CTNNA2: variants seen among roughly 807,000 people sequenced by gnomAD.
CTNNA2 encodes the protein catenin alpha-2.
Under a neutral mutation model 101.0 loss-of-function variants are expected in CTNNA2, and 42 were observed. The ratio of observed to expected loss-of-function variants is 0.42; its 90% CI spans 0.32 to 0.54. CTNNA2 has a LOEUF of 0.54. CTNNA2 is among the 20% of genes least tolerant of loss of function. The probability of loss-of-function intolerance (pLI) is 0.14; values close to 1 mark genes in which losing one functional copy is unlikely to be tolerated. For synonymous variants in CTNNA2, 450 were observed against 456.4 expected, an observed-to-expected ratio of 0.99 and a Z score of 0.18; for missense variants, 871 against 1,223.1, an observed-to-expected ratio of 0.71 and a Z score of 4.29.
chr2:80,634,038 G>A (rs983888829), intron 18 of CTNNA2, among the ~76,000 whole-genome samples: 2 of 152,130 alleles, frequency 1.3e-5, no homozygotes, highest in Non-Finnish European at 2.9e-5. Context: ...ACTAGGCATT[G>A]TGCCCTAGCT....
chr2:79,772,239 C>T (rs1673641020), intron 3 of CTNNA2, among the ~76,000 whole-genome samples: 1 of 152,078 alleles, frequency 6.6e-6, no homozygotes, highest in South Asian at 2.1e-4. Flanking sequence ...GGACATTAAT[C>T]AGTTTGATAT....
intron 15 of CTNNA2, 77 bp downstream of exon 15, chr2:80,589,562 G>T: frequency 7.2e-7 from 1 of 1,395,476 alleles, no homozygotes; most frequent in Admixed American, 2.4e-5. Flanking sequence ...GCATGTGAAA[G>T]CCTGCTGAAA....
At chr2:80,565,033 A>C (rs900850661) in intron 12 of CTNNA2, among the ~76,000 whole-genome samples, 2 of 152,230 alleles carry the variant, frequency 1.3e-5, no homozygotes, top group African/African-American at 4.8e-5. Context: ...CAATCAAGTG[A>C]TGTAAATTAA....
intron 7 of CTNNA2, among the ~76,000 whole-genome samples, chr2:80,145,191 T>C (rs1046109410): frequency 6.6e-6 from 1 of 152,166 alleles, no homozygotes; most frequent in African/African-American, 2.4e-5. Context: ...AAATGATCTA[T>C]ATAAAATCCA....
At chr2:80,213,782 T>C (rs895278030) in intron 7 of CTNNA2, among the ~76,000 whole-genome samples, 6 of 152,130 alleles carry the variant, frequency 3.9e-5, no homozygotes, top group African/African-American at 1.2e-4. Context: ...TAACTTTCTG[T>C]CTTGTTGATC....
chr2:80,262,649 T>C (rs1343064292), intron 7 of CTNNA2, among the ~76,000 whole-genome samples: 2 of 152,042 alleles, frequency 1.3e-5, no homozygotes, highest in African/African-American at 4.8e-5. Flanking sequence ...CATTCCGGGG[T>C]CCTATGGCCT....
intron 11 of CTNNA2, among the ~76,000 whole-genome samples, chr2:80,554,678 C>G (rs929318026): frequency 1.3e-5 from 2 of 152,118 alleles, no homozygotes; most frequent in African/African-American, 4.8e-5. Flanking sequence ...AAGTCTGCAC[C>G]TCTTAATACT....
At chr2:79,229,329 G>C (rs908818920) in intron 2 of CTNNA2, among the ~76,000 whole-genome samples, 1 of 152,172 alleles carries the variant, frequency 6.6e-6, no homozygotes, top group East Asian at 1.9e-4. Context: ...GACCCAGTGG[G>C]AGGTAATTGA....
chr2:80,406,826 CAA>C (rs56793591), intron 8 of CTNNA2, among the ~76,000 whole-genome samples: 76 of 63,988 alleles, frequency 1.2e-3, no homozygotes, highest in African/African-American at 2.0e-3. Flanking sequence ...GACTCCATCT[CAA>C]AAAAAAAAAA....
chr2:79,194,906 CT>C (rs1343303318), intron 1 of CTNNA2, among the ~76,000 whole-genome samples: 1 of 152,026 alleles, frequency 6.6e-6, no homozygotes, highest in Non-Finnish European at 1.5e-5. Context: ...GAAAATTGTT[CT>C]TTTTCTGCAA....
chr2:80,291,556 CT>C (rs1289542142), intron 7 of CTNNA2, among the ~76,000 whole-genome samples: 1 of 152,196 alleles, frequency 6.6e-6, no homozygotes, highest in Non-Finnish European at 1.5e-5. Flanking sequence ...AAAGAAAAAG[CT>C]TCTTTAAATA....
rs143148022 is a variant in CTNNA2 at position 80,127,810 on chromosome 2, T to G, written c.1056+218013T>G. On this transcript the variant is annotated intron_variant, in intron 7 of 18. Coordinates refer to ENST00000402739, the MANE Select transcript of CTNNA2 (RefSeq NM_001282597.3). ...ACTCTCTGGAACTCTGGGCTATCAA[T>G]TAGTGTAGGATTTGCAGGGATCATT... Among the ~76,000 whole-genome samples the G allele has an allele frequency of 3.5e-3, 527 of 152,242 alleles. 2 individuals are homozygous for G. Among genetic ancestry groups the G allele is most frequent in the African/African-American group, 0.011 (471 of 41,548 alleles).
chr2:79,818,199 T>A (rs1677687121), intron 3 of CTNNA2, among the ~76,000 whole-genome samples: 1 of 152,228 alleles, frequency 6.6e-6, no homozygotes, highest in Non-Finnish European at 1.5e-5. Flanking sequence ...TGCTCTTTGT[T>A]CACTTTCATA....
Position 80,535,516 on chromosome 2 carries a change from A to G in CTNNA2, c.1291-9466A>G, listed in dbSNP as rs142317011. On this transcript the variant is annotated intron_variant, in intron 9 of 18. Coordinates refer to ENST00000402739, the MANE Select transcript of CTNNA2 (RefSeq NM_001282597.3). ...CACAATTGAGGCTCAGAGATGCAAC[A>G]CGTCTCACCCAGCTGGTGAGAATAA... 3.8e-3 allele frequency among the ~76,000 whole-genome samples: 580 copies of G among 152,284 alleles called. 3 individuals carry two copies. The highest frequency in any genetic ancestry group is 0.014 in the African/African-American group (571 of 41,550).
At chr2:79,794,927 G>C (rs1391728712) in intron 3 of CTNNA2, among the ~76,000 whole-genome samples, 1 of 152,176 alleles carries the variant, frequency 6.6e-6, no homozygotes, top group South Asian at 2.1e-4. Context: ...ACCGGAACAG[G>C]ATAGGCACAA....
rs151275201 is a variant in CTNNA2 at position 80,202,920 on chromosome 2, G to A, written c.1057-190291G>A. Among the ~76,000 whole-genome samples the A allele has an allele frequency of 3.8e-3, 584 of 152,248 alleles. 1 individual carries two copies. Among genetic ancestry groups the A allele is most frequent in the Middle Eastern group, 6.8e-3 (2 of 294 alleles). On this transcript the variant is annotated intron_variant, in intron 7 of 18. Coordinates refer to ENST00000402739, the MANE Select transcript of CTNNA2 (RefSeq NM_001282597.3). ...GAGGTTTATGGACTTACAGTTCCAC[G>A]TGACCGGGGAGGCCTAACAATCATG...
At chr2:79,628,685 T>C (rs553412197) in intron 1 of CTNNA2, among the ~76,000 whole-genome samples, 1 of 152,350 alleles carries the variant, frequency 6.6e-6, no homozygotes, top group South Asian at 2.1e-4. Flanking sequence ...GTTGTTAAAG[T>C]ATTTTTCCTT....
intron 7 of CTNNA2, among the ~76,000 whole-genome samples, chr2:80,139,149 T>A (rs1370423870): frequency 1.3e-5 from 2 of 152,174 alleles, no homozygotes; most frequent in Admixed American, 1.3e-4. Context: ...ATCCACAGAC[T>A]CTGGAGGAAG....
At chr2:79,720,834 T>G (rs1476741608) in intron 2 of CTNNA2, among the ~76,000 whole-genome samples, 1 of 152,130 alleles carries the variant, frequency 6.6e-6, no homozygotes, top group Non-Finnish European at 1.5e-5. Flanking sequence ...GATAGTTTTA[T>G]TTCTTTTCCT....
Sources: gnomAD v4.1 joint callset for allele counts (sites outside exome capture counted in the v4.1 genomes callset) on GRCh38, gnomAD v4.1.1 for gene constraint, MANE v1.5 for transcripts, NCBI Gene and HGNC (gene_info 2026-07-23, HGNC 2026-07-21) for gene names.